Variants in PTPRF observed in about 807,000 individuals in gnomAD.
The protein encoded by PTPRF is receptor-type tyrosine-protein phosphatase F.
In PTPRF, 59 loss-of-function variants were observed where a neutral mutation model predicts 201.8. That is an observed-to-expected ratio of 0.29 (90% confidence interval 0.24 to 0.36). The LOEUF is 0.36. PTPRF is among the 10% of genes least tolerant of loss of function. PTPRF has a pLI of 1.00. For missense variants in PTPRF, 2,132 were observed against 2,690.5 expected (o/e 0.79, Z 4.59); for synonymous variants, 1,088 against 1,089.7 (o/e 1.00, Z 0.03).
At chr1:43,607,186 G>A (rs1037507123) in intron 21 of PTPRF, among the ~76,000 whole-genome samples, 14 of 152,240 alleles carry the variant, frequency 9.2e-5, no homozygotes, top group African/African-American at 2.9e-4. Context: ...CAGCCTGGGC[G>A]TGAGGAACTA....
In PTPRF at chr1:43,620,430, G is replaced by A; in HGVS notation, c.5239-24G>A. On this transcript the variant is annotated intron_variant, in intron 30 of 33. Transcript: ENST00000359947. ...CCCCTATTCCTTCTCACCTGATTAT[G>A]GGGGCCCGACCCTCTGTCCACAGGA... 3 of 1,597,546 alleles carry A rather than the reference G, an allele frequency of 1.9e-6. 1 individual carries two copies. Among genetic ancestry groups the A allele is most frequent in the Non-Finnish European group, 2.6e-6 (3 of 1,168,100 alleles).
chr1:43,617,271 G>A lies in PTPRF; in HGVS notation c.4072-174G>A, dbSNP rs1435237439. 7.9e-5 allele frequency among the ~76,000 whole-genome samples: 12 copies of A among 152,210 alleles called. No individual in the cohort carries two copies. The South Asian group carries it at 1.0e-3, about 13-fold the overall frequency. ...CCCCAGTCCATCACTTTTCTGATAG[G>A]TGATGTGGCAACCTGTGAGCTCCAT... On this transcript the variant is annotated intron_variant, in intron 23 of 33. Transcript: ENST00000359947.
At chr1:43,523,802 C>A (rs1374719591), upstream of PTPRF, among the ~76,000 whole-genome samples, 1 of 151,858 alleles carries the variant, frequency 6.6e-6, no homozygotes, top group East Asian at 1.9e-4. Flanking sequence ...ATCCCAGCAA[C>A]TTTGGGAGGC....
chr1:43,577,942 G>C (rs181650687), intron 6 of PTPRF, among the ~76,000 whole-genome samples: 3 of 152,192 alleles, frequency 2.0e-5, no homozygotes, highest in African/African-American at 7.2e-5. Flanking sequence ...GGTGGGGCCA[G>C]GGGACGGCCA....
chr1:43,571,278 C>T lies in PTPRF; in HGVS notation c.568+1500C>T, dbSNP rs1257671183. On this transcript the variant is annotated intron_variant, in intron 6 of 33. Coordinates refer to ENST00000359947, the MANE Select transcript of PTPRF (RefSeq NM_002840.5). ...TTGCGACTTCCCTCTTCCTAGTGCC[C>T]CTTCCCTGCAGCAGCATCTTCCCTT... is the stretch of plus-strand genomic sequence containing the variant. 5.0e-4 allele frequency among the ~76,000 whole-genome samples: 76 copies of T among 152,148 alleles called. 1 individual carries two copies. Among genetic ancestry groups the T allele is most frequent in the Non-Finnish European group, 1.5e-5 (1 of 68,026 alleles).
intron 5 of PTPRF, among the ~76,000 whole-genome samples, chr1:43,555,867 A>G (rs1645333337): frequency 6.6e-6 from 1 of 152,176 alleles, no homozygotes; most frequent in Non-Finnish European, 1.5e-5. Context: ...ATAAGGTGCC[A>G]TACACGTCGT....
intron 6 of PTPRF, among the ~76,000 whole-genome samples, chr1:43,578,294 C>T (rs1198462165): frequency 6.6e-6 from 1 of 152,170 alleles, no homozygotes; most frequent in Non-Finnish European, 1.5e-5. Flanking sequence ...GCAGAGGCTG[C>T]TGGGCACCAG....
chr1:43,542,624 C>T lies in PTPRF; in HGVS notation c.-45-2407C>T, dbSNP rs540901257. ...ATGGCTCTCCTGGGAGCTCTGCCCCCACCATGAAGTCTGTAACAGCACGTT... is the reference window on the plus strand; with the variant it reads ...ATGGCTCTCCTGGGAGCTCTGCCCCTACCATGAAGTCTGTAACAGCACGTT... On this transcript the variant is annotated intron_variant, in intron 2 of 33. Transcript: ENST00000359947. This position sits in a 1 kb window ranked among gnomAD's most constrained non-coding sequence, Gnocchi z 5.2. Among the ~76,000 whole-genome samples the T allele has an allele frequency of 6.6e-6, 1 of 152,058 alleles. No individual in the cohort carries two copies. The highest frequency in any genetic ancestry group is 2.4e-5 in the African/African-American group (1 of 41,356).
In PTPRF at chr1:43,553,789, TC is replaced by T. The variant is rs1384017509; in HGVS notation, c.238-9del. On this transcript the variant is annotated splice_polypyrimidine_tract_variant and intron_variant, in intron 4 of 33. Transcript: ENST00000359947. The surrounding 1 kb of genome is among the most constrained non-coding windows in gnomAD (Gnocchi z 4.1). ...TGAGTAGGCTGTGACCCCATGTCTG[TC>T]CTCTGACAGGTCATTGAGTTTGATG... 4 of 1,614,118 alleles carry T rather than the reference TC, an allele frequency of 2.5e-6. No individual in the cohort carries two copies. In the South Asian group the frequency reaches 4.4e-5, roughly 18 times the overall value.
At chr1:43,570,201 G>T (rs1044569019) in intron 6 of PTPRF, among the ~76,000 whole-genome samples, 4 of 152,216 alleles carry the variant, frequency 2.6e-5, no homozygotes, top group Non-Finnish European at 5.9e-5. Flanking sequence ...GCTTCAAAAG[G>T]CTGGATCTCA....
At chr1:43,551,178 G>A (rs1462898403) in intron 3 of PTPRF, among the ~76,000 whole-genome samples, 1 of 152,132 alleles carries the variant, frequency 6.6e-6, no homozygotes, top group Non-Finnish European at 1.5e-5. Flanking sequence ...GGCCAGTGGA[G>A]TGCCAGTCAA....
rs370858307 is a variant in PTPRF, at chr1:43,604,928, G to A, written c.3063G>A (p.Ala1021=). The change falls in exon 17 of 34, where the codon GCG becomes GCA. Residue 1021 remains alanine (A), a synonymous_variant. Transcript: ENST00000359947. ...EQVFAKNFRV[A]AAMKTSVLLS... ...TGTTTGCCAAGAACTTCCGGGTGGCGGCTGCAATGAAGACGTCTGTGCTGC... is the reference window on the plus strand; with the variant it reads ...TGTTTGCCAAGAACTTCCGGGTGGCAGCTGCAATGAAGACGTCTGTGCTGC... The A allele has an allele frequency of 1.7e-5, 27 of 1,614,000 alleles. No homozygotes were observed. Among genetic ancestry groups the A allele is most frequent in the African/African-American group, 1.5e-4 (11 of 74,908 alleles).
At chr1:43,527,973 A>G (rs1333956775), upstream of PTPRF, among the ~76,000 whole-genome samples, 1 of 152,186 alleles carries the variant, frequency 6.6e-6, no homozygotes, top group Non-Finnish European at 1.5e-5. Flanking sequence ...TCAAGTATCT[A>G]TTGTGTGTGA....
At position 43,617,741 on chromosome 1, in the gene PTPRF, C is replaced by T; in HGVS notation, c.4201C>T (p.Pro1401Ser). The change falls in exon 25 of 34, where the codon CCC (proline) becomes TCC (serine). Residue 1401 changes from proline to serine, a missense_variant. By Grantham distance (74) the Pro-to-Ser change is moderately conservative. Transcript: ENST00000359947. ...ACCTCCTTTCTTATCCATAGGCGTC[C>T]CCGGGAGTGACTACATCAATGCCAA... is the stretch of plus-strand genomic sequence containing the variant. ...RVILTSIDGV[P>S]GSDYINANYI... 6.2e-7 allele frequency: 1 copy of T among 1,613,146 alleles called. No homozygotes were observed. The highest frequency in any genetic ancestry group is 8.5e-7 in the Non-Finnish European group (1 of 1,179,286).
rs1024920219 is a variant in PTPRF at position 43,614,492 on chromosome 1, G to A, written c.4071+777G>A. 2.6e-5 allele frequency among the ~76,000 whole-genome samples: 4 copies of A among 152,180 alleles called. No individual in the cohort carries two copies. The South Asian group carries it at 6.2e-4, about 24-fold the overall frequency. Reference sequence around the variant, plus strand: ...TCCCACCCACAGATGGTGTCGGGGTGACTCTGAGCATCCCCAGGCTGCCCA... The same window carrying A: ...TCCCACCCACAGATGGTGTCGGGGTAACTCTGAGCATCCCCAGGCTGCCCA... On this transcript the variant is annotated intron_variant, in intron 23 of 33. Transcript: ENST00000359947.
Position 43,588,588 on chromosome 1 carries a change from G to T in PTPRF, c.680-143G>T. 3 of 1,077,754 alleles carry T rather than the reference G, an allele frequency of 2.8e-6. No individual in the cohort carries two copies. In the Admixed American group the frequency reaches 8.0e-5, roughly 29 times the overall value. The allele number at this position is 1,077,754 out of a possible 1,614,324, so 66.8% of individuals were successfully genotyped here. On this transcript the variant is annotated intron_variant, in intron 7 of 33. Transcript: ENST00000359947. The surrounding 1 kb of genome is among the most constrained non-coding windows in gnomAD (Gnocchi z 5.3). ...GTGGGGTGGGAGTGGATGATGAGCTGGGGTCTGGCGGTGCCACCCCTCCTG... is the reference window on the plus strand; with the variant it reads ...GTGGGGTGGGAGTGGATGATGAGCTTGGGTCTGGCGGTGCCACCCCTCCTG...
At chr1:43,525,908 C>G (rs1157816645), upstream of PTPRF, among the ~76,000 whole-genome samples, 2 of 151,264 alleles carry the variant, frequency 1.3e-5, no homozygotes, top group Non-Finnish European at 2.9e-5. Context: ...TAGAGGCGTC[C>G]TGTAGAAATG....
At chr1:43,595,139 C>T (rs1570451618) in intron 11 of PTPRF, among the ~76,000 whole-genome samples, 1 of 152,164 alleles carries the variant, frequency 6.6e-6, no homozygotes, top group Non-Finnish European at 1.5e-5. Context: ...AAGTGTAGCT[C>T]TGAACAAGGG....
At chr1:43,590,891 T>C (rs1218396928) in intron 8 of PTPRF, 81 bp from the exon 9 acceptor site, 1 of 1,303,366 alleles carries the variant, frequency 7.7e-7, no homozygotes, top group African/African-American at 1.5e-5. Flanking sequence ...CCACCAGATA[T>C]CCTGGATAAT....
Sources: gnomAD v4.1 joint callset for allele counts (sites outside exome capture counted in the v4.1 genomes callset) on GRCh38, gnomAD v4.1.1 for gene constraint, Gnocchi (gnomAD v3.1) non-coding constraint, MANE v1.5 for transcripts, NCBI Gene and HGNC (gene_info 2026-07-23, HGNC 2026-07-21) for gene names.